The following BMPR1A variants were observed in gnomAD, a reference collection of about 807,000 sequenced individuals.
The protein encoded by BMPR1A is bone morphogenetic protein receptor type-1A.
BMPR1A carries 7 observed loss-of-function variants against 66.0 expected under a neutral mutation model. The ratio of observed to expected loss-of-function variants is 0.11; its 90% CI spans 0.06 to 0.20. The LOEUF (loss-of-function observed/expected upper bound fraction) is 0.20. Ranked by LOEUF, BMPR1A falls within the 10% of genes least tolerant of loss-of-function variation. BMPR1A has a pLI of 1.00. For missense variants in BMPR1A, 408 were observed against 669.1 expected (o/e 0.61, Z 4.31); for synonymous variants, 200 against 229.7 (o/e 0.87, Z 1.17).
In BMPR1A at chr10:86,906,737, A is replaced by AAAAC. The variant is rs1167601774; in HGVS notation, c.531-5500_531-5499insCAAA. Among the ~76,000 whole-genome samples, 2 of 21,058 alleles carry AAAAC rather than the reference A, an allele frequency of 9.5e-5. 1 individual carries two copies. The highest frequency in any genetic ancestry group is 1.5e-4 in the Non-Finnish European group (2 of 13,772). 13.8% of individuals were successfully genotyped at this position (21,058 alleles called of 152,430 possible). ...AGACTCCGTCTCAAAAAAAAAAAAA[A>AAAAC]AAAAAAAAAAAAAAAAAAAAAAAAA... On this transcript the variant is annotated intron_variant, in intron 7 of 12. Transcript: ENST00000372037.
At chr10:86,760,213 A>ATTT (rs1841022996) in intron 1 of BMPR1A, among the ~76,000 whole-genome samples, 2 of 46,904 alleles carry the variant, frequency 4.3e-5, no homozygotes, top group Non-Finnish European at 8.9e-5. Flanking sequence ...TTTTTTTAAT[A>ATTT]CCTTATTGTT....
At chr10:86,766,617 C>CTTTTTTT (rs71019427) in intron 1 of BMPR1A, among the ~76,000 whole-genome samples, 6,556 of 131,098 alleles carry the variant, frequency 0.05, 713 homozygotes, top group African/African-American at 0.17. Flanking sequence ...TCATATCAGT[C>CTTTTTTT]TTTTTTTTTT....
At chr10:86,806,719 A>T (rs940339044) in intron 1 of BMPR1A, among the ~76,000 whole-genome samples, 2 of 148,668 alleles carry the variant, frequency 1.3e-5, no homozygotes, top group South Asian at 2.1e-4. Flanking sequence ...ACCTGACGAA[A>T]TTTTTTTTTT....
At chr10:86,777,615 A>G (rs908651268) in intron 1 of BMPR1A, among the ~76,000 whole-genome samples, 2 of 152,160 alleles carry the variant, frequency 1.3e-5, no homozygotes, top group Admixed American at 1.3e-4. Flanking sequence ...TTACCCTCTT[A>G]ACAATTATTA....
At chr10:86,807,722 G>A (rs978294189) in intron 1 of BMPR1A, among the ~76,000 whole-genome samples, 1 of 152,106 alleles carries the variant, frequency 6.6e-6, no homozygotes. Context: ...TGTTTTGACA[G>A]TGCATACGCT....
intron 2 of BMPR1A, among the ~76,000 whole-genome samples, chr10:86,853,178 G>A (rs1012579247): frequency 6.6e-6 from 1 of 151,894 alleles, no homozygotes; most frequent in East Asian, 1.9e-4. Flanking sequence ...TTGACACAGA[G>A]TAAATAGAAA....
chr10:86,857,241 G>A (rs1029387146), intron 2 of BMPR1A, among the ~76,000 whole-genome samples: 2 of 152,070 alleles, frequency 1.3e-5, no homozygotes, highest in African/African-American at 2.4e-5. Flanking sequence ...GAGTCATCTT[G>A]TTAGCATAAT....
At chr10:86,834,839 T>C (rs527821234) in intron 1 of BMPR1A, among the ~76,000 whole-genome samples, 1 of 152,296 alleles carries the variant, frequency 6.6e-6, no homozygotes, top group African/African-American at 2.4e-5. Context: ...GAAATGTTTG[T>C]AAAATATAGA....
At chr10:86,882,751 G>A (rs1244045478) in intron 3 of BMPR1A, among the ~76,000 whole-genome samples, 2 of 151,088 alleles carry the variant, frequency 1.3e-5, no homozygotes, top group Non-Finnish European at 2.9e-5. Flanking sequence ...GATCACCTGA[G>A]GTCAGGAGTT....
intron 1 of BMPR1A, among the ~76,000 whole-genome samples, chr10:86,786,648 T>C (rs1485793289): frequency 1.3e-5 from 2 of 152,216 alleles, no homozygotes; most frequent in Non-Finnish European, 2.9e-5. Context: ...GTTGATCTTA[T>C]TTGACCCACT....
At chr10:86,906,136 A>G (rs573373938) in intron 7 of BMPR1A, among the ~76,000 whole-genome samples, 9 of 152,308 alleles carry the variant, frequency 5.9e-5, no homozygotes, top group African/African-American at 2.2e-4. Flanking sequence ...CACTGGCTAT[A>G]GAATTCTGGA....
chr10:86,919,860 G>A (rs1843636528), intron 10 of BMPR1A, among the ~76,000 whole-genome samples: 1 of 151,888 alleles, frequency 6.6e-6, no homozygotes, highest in Non-Finnish European at 1.5e-5. Flanking sequence ...GGCATGCACT[G>A]CCACACCTAG....
chr10:86,895,265 C>T (rs1387386127), intron 5 of BMPR1A, among the ~76,000 whole-genome samples: 4 of 152,132 alleles, frequency 2.6e-5, no homozygotes, highest in African/African-American at 9.7e-5. Context: ...CGTGGTGGCA[C>T]GGTGGCCCCA....
intron 2 of BMPR1A, among the ~76,000 whole-genome samples, chr10:86,865,408 TCTGCCCGCCAGA>T (rs1842772005): frequency 6.6e-6 from 1 of 152,128 alleles, no homozygotes; most frequent in Admixed American, 6.5e-5. Flanking sequence ...CGACCCCCAC[TCTGCCCGCCAGA>T]GAACAACTCC....
In BMPR1A at chr10:86,927,676, G is replaced by A. The variant is rs1843762648; in HGVS notation, c.*3957G>A. On this transcript the variant is annotated 3_prime_UTR_variant, in exon 13 of 13. Transcript: ENST00000372037. ...AAGCCCTTTTAGTGACCTTTGTCCT[G>A]GCCCATTTAAAAACTAAAATGTAGT... 1 of 198,502 alleles carries A rather than the reference G, an allele frequency of 5.0e-6. No homozygotes were observed. Among genetic ancestry groups the A allele is most frequent in the East Asian group, 7.9e-5 (1 of 12,634 alleles). The allele number at this position is 198,502 out of a possible 1,614,324, so 12.3% of individuals were successfully genotyped here.
chr10:86,849,420 C>T (rs1842535349), intron 2 of BMPR1A, among the ~76,000 whole-genome samples: 1 of 152,196 alleles, frequency 6.6e-6, no homozygotes, highest in Non-Finnish European at 1.5e-5. Context: ...TTGATGAAGG[C>T]TTATCTGATC....
At position 86,919,571 on chromosome 10, in the gene BMPR1A, C is replaced by T. The variant is rs1008427359; in HGVS notation, c.1166+102C>T. Reference sequence around the variant, plus strand: ...ATGGAATTCTAAAAATGTGCATATGCTTGTTTTTAGTTACATAAATGTATA... The same window carrying T: ...ATGGAATTCTAAAAATGTGCATATGTTTGTTTTTAGTTACATAAATGTATA... On this transcript the variant is annotated intron_variant, in intron 10 of 12. Transcript: ENST00000372037. 2.0e-6 allele frequency: 3 copies of T among 1,476,778 alleles called. No homozygotes were observed. In the African/African-American group the frequency reaches 4.3e-5, roughly 21 times the overall value. The allele number at this position is 1,476,778 out of a possible 1,614,324, so 91.5% of individuals were successfully genotyped here. A position where few individuals can be genotyped will look rare whatever the true frequency, so the allele number is the denominator to read the frequency against.
intron 2 of BMPR1A, among the ~76,000 whole-genome samples, chr10:86,865,806 T>C (rs1457515526): frequency 6.6e-6 from 1 of 152,238 alleles, no homozygotes; most frequent in Non-Finnish European, 1.5e-5. Context: ...ATCCCAGACA[T>C]TATTCCAACC....
At chr10:86,880,120 C>A (rs1842968242) in intron 3 of BMPR1A, among the ~76,000 whole-genome samples, 1 of 152,214 alleles carries the variant, frequency 6.6e-6, no homozygotes, top group South Asian at 2.1e-4. Flanking sequence ...TGAAAACTCA[C>A]AGCCTGACTG....
Sources: allele counts gnomAD v4.1 joint callset (sites outside exome capture counted in the v4.1 genomes callset), GRCh38; gene constraint gnomAD v4.1.1; transcripts MANE v1.5; gene names NCBI Gene and HGNC (gene_info 2026-07-23, HGNC 2026-07-21).